SLC25A28: variants seen among roughly 807,000 people sequenced by gnomAD.
SLC25A28 encodes the protein solute carrier family 25 member 28.
In SLC25A28, 10 loss-of-function variants were observed where a neutral mutation model predicts 31.9. The ratio of observed to expected loss-of-function variants is 0.31; its 90% CI spans 0.19 to 0.53. The LOEUF is 0.53. Among genes scored for constraint, SLC25A28 ranks in the 20% least tolerant of loss-of-function variants. The probability of loss-of-function intolerance (pLI) is 0.95; values close to 1 mark genes in which losing one functional copy is unlikely to be tolerated. For synonymous variants in SLC25A28, 208 were observed against 203.6 expected (o/e 1.02, Z -0.19); for missense variants, 256 against 490.3 (o/e 0.52, Z 4.51).
chr10:99,620,240 C>G lies in SLC25A28; in HGVS notation c.96G>C (p.Trp32Cys). 1 of 1,354,670 alleles carries G rather than the reference C, an allele frequency of 7.4e-7. No homozygotes were observed. The highest frequency in any genetic ancestry group is 1.7e-5 in the South Asian group (1 of 60,232). The allele number at this position is 1,354,670 out of a possible 1,614,324, so 83.9% of individuals were successfully genotyped here. A position where few individuals can be genotyped will look rare whatever the true frequency, so the allele number is the denominator to read the frequency against. Reference protein sequence around the residue: ...SPGESALLDGWLQRGVGRGAG... With the variant: ...SPGESALLDGCLQRGVGRGAG... ...CCCCCCGGCCCACGCCCCGCTGCAG[C>G]CACCCGTCCAGCAGCGCCGACTCCC... is the stretch of plus-strand genomic sequence containing the variant. Residue 32 changes from tryptophan to cysteine, a missense_variant, in exon 1 of 4, where the codon TGG becomes TGC. Physicochemically the swap from Trp to Cys is radical, Grantham distance 215. Transcript: ENST00000370495.
At chr10:99,632,234 C>T in the SLC25A28 span, among the ~76,000 whole-genome samples, 2,223 of 152,198 alleles carry the variant, frequency 0.015, 64 homozygotes, top group African/African-American at 0.05. Flanking sequence ...ATAATGACTA[C>T]ATAACATTTA....
At chr10:99,656,486 A>AT in the SLC25A28 span, among the ~76,000 whole-genome samples, 494 of 152,252 alleles carry the variant, frequency 3.2e-3, 3 homozygotes, top group African/African-American at 0.011. Context: ...GAGTGGAGAG[A>AT]TAATGAGTTT....
chr10:99,654,710 C>A, the SLC25A28 span, among the ~76,000 whole-genome samples: 1 of 151,998 alleles, frequency 6.6e-6, no homozygotes, highest in Non-Finnish European at 1.5e-5. Flanking sequence ...AGAAAGGGGG[C>A]CTTCTCTTCT....
chr10:99,649,532 GTTC>G, the SLC25A28 span, among the ~76,000 whole-genome samples: 1 of 152,176 alleles, frequency 6.6e-6, no homozygotes, highest in Non-Finnish European at 1.5e-5. Context: ...ATTAGCAATA[GTTC>G]TTCTTTGTAT....
chr10:99,614,009 G>C, intron 1 of SLC25A28, 85 bp from the exon 2 acceptor site: 2 of 1,428,368 alleles, frequency 1.4e-6, no homozygotes, highest in Non-Finnish European at 1.9e-6. Context: ...CTTCTACATG[G>C]AGCTGTGCCA....
At chr10:99,643,771 G>T in the SLC25A28 span, among the ~76,000 whole-genome samples, 1 of 152,076 alleles carries the variant, frequency 6.6e-6, no homozygotes, top group Non-Finnish European at 1.5e-5. Flanking sequence ...TTGTGTCTTT[G>T]TTCTCATTGG....
In SLC25A28 at chr10:99,613,708, G is replaced by C; in HGVS notation, c.508C>G (p.His170Asp). The change falls in exon 2 of 4, where the codon CAT becomes GAT. Residue 170 changes from histidine (H) to aspartate (D), a missense_variant. Coordinates refer to ENST00000370495, the MANE Select transcript of SLC25A28 (RefSeq NM_031212.4). The surrounding 1 kb of genome is among the most constrained non-coding windows in gnomAD (Gnocchi z 4.9). Reference sequence around the variant, plus strand: ...GAAGGCTCAATACCATTGGCAATATGGCTATTGCCCCCAGGGTGGATTACA... The same window carrying C: ...GAAGGCTCAATACCATTGGCAATATCGCTATTGCCCCCAGGGTGGATTACA... ...SDVIHPGGNS[H>D]IANGAAGCVA... 1 of 1,614,172 alleles carries C rather than the reference G, an allele frequency of 6.2e-7. No individual in the cohort carries two copies. Among genetic ancestry groups the C allele is most frequent in the Non-Finnish European group, 8.5e-7 (1 of 1,180,026 alleles).
chr10:99,644,047 T>C, the SLC25A28 span, among the ~76,000 whole-genome samples: 1 of 152,208 alleles, frequency 6.6e-6, no homozygotes, highest in Non-Finnish European at 1.5e-5. Context: ...ATTCTGTTGA[T>C]TTGGAGTGGA....
rs774332724 is a variant in SLC25A28, at chr10:99,620,192, G to C, written c.144C>G (p.Ala48=). Residue 48 remains alanine (A), a synonymous_variant, in exon 1 of 4, where the codon GCC becomes GCG. Transcript: ENST00000370495. ...GATCTTGTCGTACCGGGGGCCTGCAGGCCCCGGCCTCCCCGCCGCCGGCCC... is the reference window on the plus strand; with the variant it reads ...GATCTTGTCGTACCGGGGGCCTGCACGCCCCGGCCTCCCCGCCGCCGGCCC... ...GRGAGGGEAG[A]CRPPVRQDPD... is the part of the protein sequence containing the mutation. The C allele has an allele frequency of 1.4e-6, 2 of 1,459,126 alleles. No homozygotes were observed. The highest frequency in any genetic ancestry group is 1.8e-6 in the Non-Finnish European group (2 of 1,108,230). 90.4% of individuals were successfully genotyped at this position (1,459,126 alleles called of 1,614,324 possible).
At chr10:99,647,405 A>G in the SLC25A28 span, among the ~76,000 whole-genome samples, 1 of 152,156 alleles carries the variant, frequency 6.6e-6, no homozygotes, top group Non-Finnish European at 1.5e-5. Flanking sequence ...CATTTCTCTG[A>G]TGATTAGTGA....
At chr10:99,648,007 A>ATT in the SLC25A28 span, among the ~76,000 whole-genome samples, 2,270 of 143,392 alleles carry the variant, frequency 0.016, 62 homozygotes, top group African/African-American at 0.055. Context: ...TATTCCATTG[A>ATT]TTTTTTTTTT....
In SLC25A28 at chr10:99,611,200, G is replaced by T. The variant is rs766651947; in HGVS notation, c.744C>A (p.Phe248Leu). The change falls in exon 4 of 4, where the codon TTC (phenylalanine) becomes TTA (leucine). Residue 248 changes from phenylalanine (F) to leucine (L), a missense_variant. Transcript: ENST00000370495. This position sits in a 1 kb window ranked among gnomAD's most constrained non-coding sequence, Gnocchi z 5.5. ...FQAIHFMTYE[F>L]LQEHFNPQRR... ...TCTGGGGGTTAAAGTGCTCCTGCAG[G>T]AATTCATAGGTCATGAAGTGAATGG... The T allele has an allele frequency of 6.2e-7, 1 of 1,614,182 alleles. No homozygotes were observed. Among genetic ancestry groups the T allele is most frequent in the East Asian group, 2.2e-5 (1 of 44,884 alleles).
At chr10:99,651,075 T>TA in the SLC25A28 span, among the ~76,000 whole-genome samples, 3 of 152,194 alleles carry the variant, frequency 2.0e-5, no homozygotes, top group Admixed American at 2.0e-4. Flanking sequence ...ATTTCTCTCT[T>TA]ATTGTTTCCC....
chr10:99,625,111 G>A (rs1308977519), upstream of SLC25A28, among the ~76,000 whole-genome samples: 1 of 151,590 alleles, frequency 6.6e-6, no homozygotes, highest in African/African-American at 2.4e-5. Flanking sequence ...CAGTGGGTTC[G>A]TGGTCTCGCT....
chr10:99,641,158 T>C, the SLC25A28 span, among the ~76,000 whole-genome samples: 1 of 152,222 alleles, frequency 6.6e-6, no homozygotes. Flanking sequence ...TCCACAATGG[T>C]TGAACTAGTT....
the SLC25A28 span, among the ~76,000 whole-genome samples, chr10:99,630,735 A>G: frequency 2.0e-5 from 3 of 152,302 alleles, no homozygotes; most frequent in Middle Eastern, 0.01. Flanking sequence ...AAATCCACGC[A>G]TGGTCTCTTC....
chr10:99,637,416 A>T, the SLC25A28 span, among the ~76,000 whole-genome samples: 2 of 152,306 alleles, frequency 1.3e-5, no homozygotes, highest in Admixed American at 1.3e-4. Context: ...CCTCTTCAAC[A>T]TAGTAATGGA....
chr10:99,616,725 A>T (rs2034665547), intron 1 of SLC25A28: 10 of 985,400 alleles, frequency 1.0e-5, no homozygotes, highest in Non-Finnish European at 1.1e-5. Flanking sequence ...TTGGGAAGCT[A>T]TATGGAAGGC....
the SLC25A28 span, among the ~76,000 whole-genome samples, chr10:99,636,446 C>T: frequency 6.6e-6 from 1 of 152,116 alleles, no homozygotes; most frequent in Non-Finnish European, 1.5e-5. Flanking sequence ...CCTATCGAAA[C>T]GTCTGGGATA....
Sources: allele counts gnomAD v4.1 joint callset (sites outside exome capture counted in the v4.1 genomes callset), GRCh38; gene constraint gnomAD v4.1.1; non-coding constraint Gnocchi (gnomAD v3.1); transcripts MANE v1.5; gene names NCBI Gene and HGNC (gene_info 2026-07-23, HGNC 2026-07-21).